The following SLC24A2 variants were observed in gnomAD, a reference collection of about 807,000 sequenced individuals.
SLC24A2 encodes solute carrier family 24 member 2.
In SLC24A2, 36 loss-of-function variants were observed where a neutral mutation model predicts 62.0. That is an observed-to-expected ratio of 0.58 (90% CI 0.44 to 0.77). The LOEUF is 0.77. Among genes scored for constraint, SLC24A2 ranks in the 30% least tolerant of loss-of-function variants. SLC24A2 has a pLI of 0.00. For synonymous variants in SLC24A2, 358 were observed against 294.0 expected, an observed-to-expected ratio of 1.22 and a Z score of -2.23; for missense variants, 846 against 817.9, an observed-to-expected ratio of 1.03 and a Z score of -0.42.
the SLC24A2 span, among the ~76,000 whole-genome samples, chr9:20,013,092 C>G: frequency 1.3e-5 from 2 of 152,022 alleles, no homozygotes; most frequent in African/African-American, 2.4e-5. Context: ...CTCTGAATAG[C>G]CAAAACAGTG....
chr9:20,075,108 T>A, the SLC24A2 span, among the ~76,000 whole-genome samples: 1 of 152,236 alleles, frequency 6.6e-6, no homozygotes, highest in Non-Finnish European at 1.5e-5. Context: ...TTCATGTCAC[T>A]ACTTTGGCAT....
intron 2 of SLC24A2, among the ~76,000 whole-genome samples, chr9:19,665,548 A>G (rs1014020311): frequency 1.3e-5 from 2 of 152,286 alleles, no homozygotes; most frequent in Middle Eastern, 3.4e-3. Context: ...GCAAAAGTAG[A>G]TATGTATTGC....
At chr9:20,298,285 A>C in the SLC24A2 span, among the ~76,000 whole-genome samples, 55 of 152,380 alleles carry the variant, frequency 3.6e-4, no homozygotes, top group South Asian at 5.6e-3. Context: ...GCTGGAGTGC[A>C]GCAGAGCTAT....
intron 2 of SLC24A2, among the ~76,000 whole-genome samples, chr9:19,728,832 T>C (rs1355774629): frequency 6.6e-6 from 1 of 152,152 alleles, no homozygotes; most frequent in Non-Finnish European, 1.5e-5. Flanking sequence ...TATCAAAAAA[T>C]TGTCATTTTT....
chr9:19,979,274 G>A, the SLC24A2 span, among the ~76,000 whole-genome samples: 1 of 152,170 alleles, frequency 6.6e-6, no homozygotes, highest in Non-Finnish European at 1.5e-5. Flanking sequence ...TGTGTCTGAG[G>A]TGGTGCCTGA....
the SLC24A2 span, among the ~76,000 whole-genome samples, chr9:20,295,422 G>T: frequency 6.6e-6 from 1 of 152,070 alleles, no homozygotes; most frequent in Non-Finnish European, 1.5e-5. Context: ...TGGATTTGTG[G>T]ACTTAATTTT....
rs1297261823 is a variant in SLC24A2 at position 19,540,540 on chromosome 9, C to G, written c.1479+9597G>C. Among the ~76,000 whole-genome samples the G allele has an allele frequency of 1.5e-3, 220 of 150,038 alleles. 1 individual carries two copies. The highest frequency in any genetic ancestry group is 5.2e-3 in the African/African-American group (211 of 40,206). The stretch of plus-strand genomic sequence containing the variant: ...AGAATGTTGAATATTGGCCCCCACT[C>G]TCTTCTGGCTTGTAGGGTTTCTGCC... On this transcript the variant is annotated intron_variant, in intron 8 of 10. Transcript: ENST00000341998.
intron 2 of SLC24A2, among the ~76,000 whole-genome samples, chr9:19,728,044 G>C (rs899718383): frequency 1.3e-5 from 2 of 152,146 alleles, no homozygotes; most frequent in Non-Finnish European, 2.9e-5. Flanking sequence ...CTGCTTGCCA[G>C]GTAAGGAAGT....
chr9:20,299,460 T>A, the SLC24A2 span, among the ~76,000 whole-genome samples: 1 of 152,228 alleles, frequency 6.6e-6, no homozygotes, highest in Non-Finnish European at 1.5e-5. Flanking sequence ...ATCAATCATT[T>A]CCTGCCATGC....
intron 2 of SLC24A2, among the ~76,000 whole-genome samples, chr9:19,716,392 G>T (rs138112608): frequency 1.3e-5 from 2 of 152,336 alleles, no homozygotes; most frequent in East Asian, 3.9e-4. Flanking sequence ...TATGTGCCAG[G>T]AATTGTGTGG....
chr9:20,268,553 G>T, the SLC24A2 span, among the ~76,000 whole-genome samples: 3 of 152,296 alleles, frequency 2.0e-5, no homozygotes, highest in Admixed American at 2.0e-4. Context: ...ACCATGTGCT[G>T]CTTTGCACCT....
At chr9:20,103,901 A>T in the SLC24A2 span, among the ~76,000 whole-genome samples, 2 of 152,204 alleles carry the variant, frequency 1.3e-5, no homozygotes, top group Admixed American at 6.5e-5. Context: ...AAACTACTCC[A>T]AGCTACAGGA....
At chr9:20,051,657 C>CTTTTTTTTTTTTTTTTTTTTTT in the SLC24A2 span, among the ~76,000 whole-genome samples, 51 of 73,510 alleles carry the variant, frequency 6.9e-4, 2 homozygotes, top group Admixed American at 1.8e-3. Context: ...TTTTCTTTCT[C>CTTTTTTTTTTTTTTTTTTTTTT]TTTTTTTTTT....
At chr9:20,076,463 G>A in the SLC24A2 span, among the ~76,000 whole-genome samples, 2 of 152,092 alleles carry the variant, frequency 1.3e-5, no homozygotes, top group South Asian at 4.1e-4. Context: ...AGGGATGGAA[G>A]GAGGCCAATT....
At chr9:19,901,909 G>C in the SLC24A2 span, among the ~76,000 whole-genome samples, 1 of 152,182 alleles carries the variant, frequency 6.6e-6, no homozygotes, top group East Asian at 1.9e-4. Flanking sequence ...AATGGTGGCA[G>C]TGAATTGAAT....
the SLC24A2 span, among the ~76,000 whole-genome samples, chr9:19,900,068 A>G: frequency 2.0e-5 from 3 of 152,220 alleles, no homozygotes; most frequent in African/African-American, 7.2e-5. Flanking sequence ...GTAGTTCATA[A>G]AAGTGCCATG....
intron 1 of SLC24A2, 183 bp downstream of exon 1, chr9:19,788,702 C>T (rs1290303229): frequency 2.0e-6 from 2 of 985,034 alleles, no homozygotes; most frequent in East Asian, 1.1e-4. Context: ...GAGGCGGGGG[C>T]TCCAAATCCA....
the SLC24A2 span, among the ~76,000 whole-genome samples, chr9:20,148,720 T>G: frequency 6.6e-6 from 1 of 152,154 alleles, no homozygotes; most frequent in East Asian, 1.9e-4. Context: ...ATTTCAACAC[T>G]AAACAAAGAG....
chr9:19,981,415 C>G, the SLC24A2 span, among the ~76,000 whole-genome samples: 1 of 152,124 alleles, frequency 6.6e-6, no homozygotes, highest in Admixed American at 6.6e-5. Flanking sequence ...AAGAAACAAA[C>G]AGACCTAAGC....
Sources: gnomAD v4.1 joint callset for allele counts (sites outside exome capture counted in the v4.1 genomes callset) on GRCh38, gnomAD v4.1.1 for gene constraint, MANE v1.5 for transcripts, NCBI Gene and HGNC (gene_info 2026-07-23, HGNC 2026-07-21) for gene names.